The following HSD11B1 variants were observed in gnomAD, a reference collection of about 807,000 sequenced individuals.
HSD11B1 encodes hydroxysteroid 11-beta dehydrogenase 1.
HSD11B1 carries 15 observed loss-of-function variants against 22.1 expected under a neutral mutation model. The ratio of observed to expected loss-of-function variants is 0.68; its 90% CI spans 0.45 to 1.04. The LOEUF (loss-of-function observed/expected upper bound fraction) is 1.04. HSD11B1 is among the 50% of genes least tolerant of loss of function. The pLI, the probability that HSD11B1 is intolerant of heterozygous loss-of-function variation, is 0.00. For synonymous variants in HSD11B1, 122 were observed against 125.2 expected (o/e 0.97, Z 0.17); for missense variants, 281 against 357.6 (o/e 0.79, Z 1.73).
intron 4 of HSD11B1, among the ~76,000 whole-genome samples, chr1:209,709,855 T>C (rs1368056785): frequency 6.6e-6 from 1 of 151,974 alleles, no homozygotes; most frequent in East Asian, 1.9e-4. Context: ...GATAAACAAC[T>C]AGCAATCTCT....
chr1:209,728,904 G>A (rs1475259047), intron 4 of HSD11B1, among the ~76,000 whole-genome samples: 1 of 152,204 alleles, frequency 6.6e-6, no homozygotes, highest in African/African-American at 2.4e-5. Context: ...TCATGAGTAA[G>A]AAGAATGGGA....
intron 1 of HSD11B1, among the ~76,000 whole-genome samples, chr1:209,687,830 A>T (rs2076737224): frequency 6.6e-6 from 1 of 152,210 alleles, no homozygotes; most frequent in African/African-American, 2.4e-5. Context: ...GATTTCCCCA[A>T]TAGTTTAGTT....
At chr1:209,724,683 T>C (rs1027984405) in intron 4 of HSD11B1, among the ~76,000 whole-genome samples, 1 of 152,206 alleles carries the variant, frequency 6.6e-6, no homozygotes, top group South Asian at 2.1e-4. Context: ...CTTTTCAGCT[T>C]TCTGAAACTT....
At chr1:209,696,896 C>G (rs566447887) in intron 1 of HSD11B1, among the ~76,000 whole-genome samples, 1 of 152,368 alleles carries the variant, frequency 6.6e-6, no homozygotes, top group East Asian at 1.9e-4. Context: ...CACAGCCTGG[C>G]AGGAAGAGTG....
intron 4 of HSD11B1, among the ~76,000 whole-genome samples, chr1:209,729,430 C>T (rs1353924356): frequency 6.6e-6 from 1 of 151,646 alleles, no homozygotes; most frequent in Non-Finnish European, 1.5e-5. Context: ...TGAAGGTAGG[C>T]AGTATAGGGC....
chr1:209,706,666 A>C lies in HSD11B1; in HGVS notation c.220-43A>C. 6 of 1,391,892 alleles carry C rather than the reference A, an allele frequency of 4.3e-6. No individual in the cohort carries two copies. The highest frequency in any genetic ancestry group is 6.1e-6 in the Non-Finnish European group (6 of 979,274). The allele number at this position is 1,391,892 out of a possible 1,614,324, so 86.2% of individuals were successfully genotyped here. A position where few individuals can be genotyped will look rare whatever the true frequency, so the allele number is the denominator to read the frequency against. ...TTACTTCAGAGACTACCCCCCAAAA[A>C]TCTGCAGCTAAGACTGATGCCATTT... On this transcript the variant is annotated intron_variant, in intron 2 of 5. Coordinates refer to ENST00000367027, the MANE Select transcript of HSD11B1 (RefSeq NM_005525.4). This position sits in a 1 kb window ranked among gnomAD's most constrained non-coding sequence, Gnocchi z 4.0.
At chr1:209,733,645 T>C (rs1005993126) in intron 5 of HSD11B1, among the ~76,000 whole-genome samples, 1 of 152,196 alleles carries the variant, frequency 6.6e-6, no homozygotes, top group African/African-American at 2.4e-5. Context: ...ACAACTTTTC[T>C]GTTAAGTCCA....
intron 4 of HSD11B1, among the ~76,000 whole-genome samples, chr1:209,725,372 A>G (rs1438972460): frequency 1.3e-5 from 2 of 152,298 alleles, no homozygotes; most frequent in East Asian, 1.9e-4. Context: ...TGTACAAGCC[A>G]TTCTTCCACC....
rs116045609 is a variant in HSD11B1, at chr1:209,725,456, T to C, written c.518-6980T>C. 8.4e-3 allele frequency among the ~76,000 whole-genome samples: 1,275 copies of C among 152,338 alleles called. 12 individuals carry two copies. Among genetic ancestry groups the C allele is most frequent in the African/African-American group, 0.028 (1,162 of 41,578 alleles). On this transcript the variant is annotated intron_variant, in intron 4 of 5. Transcript: ENST00000367027. ...ACCTCCTCCAGGTGGAGTTTCCTGA[T>C]AGTCCAATATCATTCTTTACCTAAA...
At chr1:209,722,613 A>G (rs1265946637) in intron 4 of HSD11B1, among the ~76,000 whole-genome samples, 1 of 152,158 alleles carries the variant, frequency 6.6e-6, no homozygotes, top group African/African-American at 2.4e-5. Flanking sequence ...GCCCAACTCA[A>G]TCCAAACAAC....
At chr1:209,697,333 A>T (rs2076796924) in intron 1 of HSD11B1, among the ~76,000 whole-genome samples, 1 of 151,988 alleles carries the variant, frequency 6.6e-6, no homozygotes, top group Non-Finnish European at 1.5e-5. Flanking sequence ...CTCAATGCTC[A>T]CTGTTATCAT....
Position 209,715,592 on chromosome 1 carries a change from C to T in HSD11B1, c.517+8464C>T, listed in dbSNP as rs1169845292. 3.9e-5 allele frequency among the ~76,000 whole-genome samples: 6 copies of T among 152,110 alleles called. No individual in the cohort carries two copies. In the East Asian group the frequency reaches 1.2e-3, roughly 29 times the overall value. The stretch of plus-strand genomic sequence containing the variant: ...CACAGAGGCCAACTTTAAAGGGATC[C>T]CACTAGCCAAACCTAGAACCATTGA... On this transcript the variant is annotated intron_variant, in intron 4 of 5. Transcript: ENST00000367027.
intron 4 of HSD11B1, among the ~76,000 whole-genome samples, chr1:209,708,720 C>T (rs78754251): frequency 9.7e-4 from 147 of 152,316 alleles, no homozygotes; most frequent in Non-Finnish European, 1.4e-3. Context: ...TCACCTTTGA[C>T]GAATGTAACT....
At chr1:209,698,622 A>G (rs2076807470) in intron 1 of HSD11B1, among the ~76,000 whole-genome samples, 1 of 152,212 alleles carries the variant, frequency 6.6e-6, no homozygotes, top group Non-Finnish European at 1.5e-5. Flanking sequence ...TAGTTCTTAC[A>G]TGGCCCCCTC....
chr1:209,708,866 C>T (rs2076877296), intron 4 of HSD11B1, among the ~76,000 whole-genome samples: 1 of 152,144 alleles, frequency 6.6e-6, no homozygotes, highest in African/African-American at 2.4e-5. Context: ...TGGTAATTTC[C>T]ATGAACTCTG....
chr1:209,706,767 T>A lies in HSD11B1; in HGVS notation c.278T>A (p.Met93Lys), dbSNP rs1218453953. 6.2e-7 allele frequency: 1 copy of A among 1,614,086 alleles called. No homozygotes were observed. Among genetic ancestry groups the A allele is most frequent in the East Asian group, 2.2e-5 (1 of 44,858 alleles). Reference protein sequence around the residue: ...AASAHYIAGTMEDMTFAEQFV... With the variant: ...AASAHYIAGTKEDMTFAEQFV... ...TCAGCACACTACATTGCTGGCACCA[T>A]GGAAGACATGACCTTCGCAGAGCAA... The change falls in exon 3 of 6, where the codon ATG (methionine) becomes AAG (lysine). Residue 93 changes from methionine to lysine, a missense_variant. Coordinates refer to ENST00000367027, the MANE Select transcript of HSD11B1 (RefSeq NM_005525.4). The surrounding 1 kb of genome is among the most constrained non-coding windows in gnomAD (Gnocchi z 4.0).
chr1:209,696,464 T>C (rs1423205637), intron 1 of HSD11B1, among the ~76,000 whole-genome samples: 1 of 152,196 alleles, frequency 6.6e-6, no homozygotes, highest in Non-Finnish European at 1.5e-5. Flanking sequence ...GTGGTTATAC[T>C]ACCTGAAGCT....
rs777166659 is a variant in HSD11B1 at position 209,707,122 on chromosome 1, C to G, written c.511C>G (p.Leu171Val). 5.6e-6 allele frequency: 9 copies of G among 1,613,488 alleles called. No homozygotes were observed. The Admixed American group carries it at 1.5e-4, about 27-fold the overall frequency. The change falls in exon 4 of 6, where the codon CTG (leucine) becomes GTG (valine). Residue 171 changes from leucine to valine, a missense_variant. Transcript: ENST00000367027. ...TGGAAGCATTGTTGTCGTCTCCTCTCTGGCTGGTAAGTGGGACAGGGACAT... is the reference window on the plus strand; with the variant it reads ...TGGAAGCATTGTTGTCGTCTCCTCTGTGGCTGGTAAGTGGGACAGGGACAT... The part of the protein sequence containing the change: ...SNGSIVVVSS[L>V]AGKVAYPMVA...
intron 4 of HSD11B1, among the ~76,000 whole-genome samples, chr1:209,718,365 T>G (rs1307042407): frequency 5.3e-5 from 8 of 152,188 alleles, no homozygotes; most frequent in Admixed American, 5.2e-4. Context: ...ATACAAATAT[T>G]ACGTATCAAC....
Sources: gnomAD v4.1 joint callset for allele counts (sites outside exome capture counted in the v4.1 genomes callset) on GRCh38, gnomAD v4.1.1 for gene constraint, Gnocchi (gnomAD v3.1) non-coding constraint, MANE v1.5 for transcripts, NCBI Gene and HGNC (gene_info 2026-07-23, HGNC 2026-07-21) for gene names.